The following RSBN1L variants were observed in gnomAD, a reference collection of about 807,000 sequenced individuals.
The protein encoded by RSBN1L is round spermatid basic protein 1 like, also known as lysine-specific demethylase RSBN1L.
Under a neutral mutation model 67.7 loss-of-function variants are expected in RSBN1L, and 30 were observed. The observed-to-expected ratio is 0.44, with a 90% CI of 0.33 to 0.60. The LOEUF (loss-of-function observed/expected upper bound fraction) is 0.60. RSBN1L is among the 20% of genes least tolerant of loss of function. The pLI is 0.02. For synonymous variants in RSBN1L, 433 were observed against 387.0 expected, an observed-to-expected ratio of 1.12 and a Z score of -1.39; for missense variants, 992 against 1,031.7, an observed-to-expected ratio of 0.96 and a Z score of 0.53.
intron 6 of RSBN1L, among the ~76,000 whole-genome samples, chr7:77,774,641 G>A (rs1791888010): frequency 6.6e-6 from 1 of 152,196 alleles, no homozygotes; most frequent in Non-Finnish European, 1.5e-5. Context: ...GGAGGCTGAG[G>A]CAGGAGAAGT....
chr7:77,743,314 C>T (rs996478425), intron 2 of RSBN1L, among the ~76,000 whole-genome samples: 4 of 151,954 alleles, frequency 2.6e-5, no homozygotes, highest in Non-Finnish European at 5.9e-5. Context: ...CTAAGAATCT[C>T]TTGGCCAGGT....
chr7:77,717,600 A>G (rs1374975572), intron 1 of RSBN1L, among the ~76,000 whole-genome samples: 1 of 152,256 alleles, frequency 6.6e-6, no homozygotes, highest in Non-Finnish European at 1.5e-5. Flanking sequence ...CAAAATCGAT[A>G]AATACAATTT....
chr7:77,715,678 T>G (rs1013754151), intron 1 of RSBN1L, among the ~76,000 whole-genome samples: 2 of 152,220 alleles, frequency 1.3e-5, no homozygotes, highest in African/African-American at 4.8e-5. Context: ...AAGAAACTGC[T>G]GAACTGTTTT....
intron 3 of RSBN1L, among the ~76,000 whole-genome samples, chr7:77,757,742 G>C (rs951357903): frequency 1.3e-5 from 2 of 152,174 alleles, no homozygotes; most frequent in Non-Finnish European, 2.9e-5. Flanking sequence ...TATGTTAGCT[G>C]GGTTGATGGC....
chr7:77,753,419 A>G (rs79091008), intron 3 of RSBN1L, among the ~76,000 whole-genome samples: 7,663 of 152,220 alleles, frequency 0.05, 271 homozygotes, highest in South Asian at 0.16. Context: ...CCAGTTGAAT[A>G]TCCTCTTTTG....
chr7:77,730,340 A>G (rs1791257721), intron 1 of RSBN1L, among the ~76,000 whole-genome samples: 1 of 152,100 alleles, frequency 6.6e-6, no homozygotes, highest in African/African-American at 2.4e-5. Flanking sequence ...AGCCTTCCCC[A>G]TTATTAACAT....
At chr7:77,773,459 A>G (rs564966117) in intron 6 of RSBN1L, 145 bp downstream of exon 6, 1 of 528,778 alleles carries the variant, frequency 1.9e-6, no homozygotes, top group East Asian at 3.3e-5. Flanking sequence ...TAATTGTACT[A>G]AAGATTTTAA....
intron 3 of RSBN1L, among the ~76,000 whole-genome samples, chr7:77,754,986 C>CTATA (rs60482613): frequency 3.3e-5 from 5 of 151,876 alleles, no homozygotes; most frequent in African/African-American, 7.3e-5. Flanking sequence ...TATCTATTCA[C>CTATA]TATATATATA....
chr7:77,721,172 T>C (rs1215739787), intron 1 of RSBN1L, among the ~76,000 whole-genome samples: 1 of 152,124 alleles, frequency 6.6e-6, no homozygotes, highest in Non-Finnish European at 1.5e-5. Context: ...TTTAATTTAA[T>C]TGGAGAGATA....
chr7:77,743,109 G>A (rs2150423422), intron 2 of RSBN1L, among the ~76,000 whole-genome samples: 1 of 151,958 alleles, frequency 6.6e-6, no homozygotes, highest in Admixed American at 6.6e-5. Flanking sequence ...ATGGAGTACA[G>A]TGGTGTGATC....
chr7:77,721,966 T>C (rs1333917034), intron 1 of RSBN1L, among the ~76,000 whole-genome samples: 1 of 152,002 alleles, frequency 6.6e-6, no homozygotes, highest in Non-Finnish European at 1.5e-5. Flanking sequence ...ATACACTAGG[T>C]GGTGACTCTG....
At chr7:77,699,703 T>TA (rs1249730142) in intron 1 of RSBN1L, among the ~76,000 whole-genome samples, 1 of 152,240 alleles carries the variant, frequency 6.6e-6, no homozygotes, top group Non-Finnish European at 1.5e-5. Flanking sequence ...TAAGGCCATC[T>TA]AATCATAGTA....
intron 1 of RSBN1L, among the ~76,000 whole-genome samples, chr7:77,703,476 G>GTTTTTTTTTTTTTT (rs1562792479): frequency 9.8e-6 from 1 of 101,530 alleles, no homozygotes; most frequent in African/African-American, 3.6e-5. Context: ...CTACTGTTTG[G>GTTTTTTTTTTTTTT]GTTTTTTTTT....
chr7:77,747,357 C>T (rs945629605), intron 2 of RSBN1L, among the ~76,000 whole-genome samples: 3 of 152,194 alleles, frequency 2.0e-5, no homozygotes, highest in Admixed American at 6.5e-5. Context: ...TTTCAGAGAA[C>T]GTTGTGGCAG....
intron 1 of RSBN1L, among the ~76,000 whole-genome samples, chr7:77,717,983 C>T (rs1285539872): frequency 1.3e-5 from 2 of 152,224 alleles, no homozygotes; most frequent in Non-Finnish European, 2.9e-5. Flanking sequence ...CGTGCTGCTG[C>T]ACTCCAGTCG....
At chr7:77,699,859 C>T (rs995512101) in intron 1 of RSBN1L, among the ~76,000 whole-genome samples, 5 of 151,154 alleles carry the variant, frequency 3.3e-5, no homozygotes, top group Middle Eastern at 3.4e-3. Context: ...TGCAGTGGCG[C>T]GATCTCGGCT....
intron 3 of RSBN1L, among the ~76,000 whole-genome samples, chr7:77,751,580 G>A (rs1791557031): frequency 6.6e-6 from 1 of 152,220 alleles, no homozygotes; most frequent in Non-Finnish European, 1.5e-5. Flanking sequence ...ACCCAAAATG[G>A]TGAGTTACTT....
intron 3 of RSBN1L, among the ~76,000 whole-genome samples, chr7:77,763,217 G>A (rs1029355753): frequency 1.4e-5 from 2 of 144,716 alleles, no homozygotes; most frequent in Non-Finnish European, 3.0e-5. Flanking sequence ...GGGCTCAAGT[G>A]ATCCTCTTGC....
chr7:77,767,776 TC>T (rs1278136985), intron 4 of RSBN1L, among the ~76,000 whole-genome samples: 1 of 40,312 alleles, frequency 2.5e-5, no homozygotes, highest in Non-Finnish European at 4.3e-5. Context: ...TCCCCTCCTC[TC>T]CCCCCTCCCC....
Sources: allele counts gnomAD v4.1 joint callset (sites outside exome capture counted in the v4.1 genomes callset), GRCh38; gene constraint gnomAD v4.1.1; transcripts MANE v1.5; gene names NCBI Gene and HGNC (gene_info 2026-07-23, HGNC 2026-07-21).